The following DNAJC6 variants were observed in gnomAD, a reference collection of about 807,000 sequenced individuals.
DNAJC6 encodes the protein DnaJ heat shock protein family (Hsp40) member C6.
Under a neutral mutation model 110.0 loss-of-function variants are expected in DNAJC6, and 34 were observed. The observed-to-expected ratio is 0.31, with a 90% CI of 0.24 to 0.41. DNAJC6 has a LOEUF of 0.41. Ranked by LOEUF, DNAJC6 falls within the 10% of genes least tolerant of loss-of-function variation. The probability of loss-of-function intolerance (pLI) is 1.00; values close to 1 mark genes in which losing one functional copy is unlikely to be tolerated. For missense variants in DNAJC6, 1,031 were observed against 1,207.8 expected (o/e 0.85, Z 2.17); for synonymous variants, 406 against 437.2 (o/e 0.93, Z 0.89).
intron 1 of DNAJC6, among the ~76,000 whole-genome samples, chr1:65,276,718 TG>T (rs1451996656): frequency 6.6e-6 from 1 of 152,224 alleles, no homozygotes; most frequent in East Asian, 1.9e-4. Context: ...GCCTCTGCTC[TG>T]GGCAGCTGAG....
At chr1:65,323,636 C>T (rs564073364) in intron 1 of DNAJC6, among the ~76,000 whole-genome samples, 15 of 152,264 alleles carry the variant, frequency 9.9e-5, no homozygotes, top group African/African-American at 3.1e-4. Context: ...TACCCTGTCA[C>T]CCAGGCTGGA....
chr1:65,280,310 A>G (rs1557495567), intron 1 of DNAJC6, among the ~76,000 whole-genome samples: 1 of 152,136 alleles, frequency 6.6e-6, no homozygotes, highest in Non-Finnish European at 1.5e-5. Flanking sequence ...TAATGTACTG[A>G]GTTCAGATTA....
chr1:65,319,324 C>A (rs1425051633), intron 1 of DNAJC6, among the ~76,000 whole-genome samples: 4 of 152,180 alleles, frequency 2.6e-5, no homozygotes, highest in African/African-American at 9.7e-5. Flanking sequence ...TTAGGCTGTG[C>A]AGATGCCCAG....
At chr1:65,393,646 A>G (rs1645950420) in intron 12 of DNAJC6, among the ~76,000 whole-genome samples, 1 of 152,126 alleles carries the variant, frequency 6.6e-6, no homozygotes, top group Non-Finnish European at 1.5e-5. Context: ...ATTTTTTGAC[A>G]TTTATAAGAC....
chr1:65,266,042 G>A (rs1440341057), intron 1 of DNAJC6, among the ~76,000 whole-genome samples: 1 of 152,246 alleles, frequency 6.6e-6, no homozygotes, highest in Non-Finnish European at 1.5e-5. Flanking sequence ...GGGTGCGCAG[G>A]TGGGGGCTGG....
intron 2 of DNAJC6, 80 bp downstream of exon 2, chr1:65,364,865 C>T: frequency 1.3e-6 from 2 of 1,529,142 alleles, no homozygotes; most frequent in Non-Finnish European, 1.8e-6. Context: ...GCTTGTCTGG[C>T]TCAAAGAGTG....
At chr1:65,390,649 A>G (rs988783522) in intron 11 of DNAJC6, among the ~76,000 whole-genome samples, 1 of 152,200 alleles carries the variant, frequency 6.6e-6, no homozygotes, top group Non-Finnish European at 1.5e-5. Flanking sequence ...TGGCTATGGT[A>G]TGGTTTATCT....
intron 1 of DNAJC6, among the ~76,000 whole-genome samples, chr1:65,302,107 A>ATATATATT (rs761925509): frequency 1.9e-5 from 1 of 53,808 alleles, no homozygotes; most frequent in African/African-American, 2.5e-4. Flanking sequence ...TATAATATAT[A>ATATATATT]ATATATATAT....
chr1:65,384,382 CTG>C, intron 6 of DNAJC6, 56 bp downstream of exon 6: 2 of 1,387,776 alleles, frequency 1.4e-6, no homozygotes, highest in Non-Finnish European at 1.9e-6. Context: ...GTATCATGTA[CTG>C]TTTTAAATCT....
chr1:65,361,459 A>C (rs1645596910), intron 1 of DNAJC6, among the ~76,000 whole-genome samples: 1 of 152,216 alleles, frequency 6.6e-6, no homozygotes, highest in Non-Finnish European at 1.5e-5. Flanking sequence ...ATATGTATGA[A>C]CATCTAAGTG....
chr1:65,360,601 C>T (rs1274559682), intron 1 of DNAJC6, among the ~76,000 whole-genome samples: 1 of 152,130 alleles, frequency 6.6e-6, no homozygotes, highest in Non-Finnish European at 1.5e-5. Context: ...CTGCTCTATC[C>T]TCACTATATT....
At chr1:65,389,654 C>T (rs1434669545) in intron 11 of DNAJC6, 27 bp downstream of exon 11, 4 of 1,607,126 alleles carry the variant, frequency 2.5e-6, no homozygotes, top group Admixed American at 1.7e-5. Context: ...CTTTAAGTCA[C>T]ATGGTTTGAT....
chr1:65,298,409 C>T (rs1644946815), intron 1 of DNAJC6, among the ~76,000 whole-genome samples: 1 of 152,136 alleles, frequency 6.6e-6, no homozygotes, highest in African/African-American at 2.4e-5. Context: ...TTTCCTTTGA[C>T]AGTCTCCTGA....
At chr1:65,371,620 A>G (rs549127099) in intron 4 of DNAJC6, among the ~76,000 whole-genome samples, 1 of 152,202 alleles carries the variant, frequency 6.6e-6, no homozygotes, top group Non-Finnish European at 1.5e-5. Flanking sequence ...TGCTTAGTGA[A>G]TGGCTGCTTC....
intron 6 of DNAJC6, 68 bp from the exon 7 acceptor site, chr1:65,385,644 A>G (rs917876159): frequency 1.3e-5 from 18 of 1,334,884 alleles, no homozygotes; most frequent in Non-Finnish European, 1.8e-5. Context: ...GAATCTTCAT[A>G]GCAAATATTG....
intron 13 of DNAJC6, among the ~76,000 whole-genome samples, chr1:65,395,717 T>C (rs1368621095): frequency 6.6e-6 from 1 of 152,216 alleles, no homozygotes; most frequent in African/African-American, 2.4e-5. Flanking sequence ...ATAGTGTCTT[T>C]TTACTTTTTA....
At chr1:65,278,162 C>G (rs1653734660) in intron 1 of DNAJC6, among the ~76,000 whole-genome samples, 1 of 152,204 alleles carries the variant, frequency 6.6e-6, no homozygotes, top group Non-Finnish European at 1.5e-5. Flanking sequence ...TTAGTGCTGT[C>G]ATTCTCATGT....
At chr1:65,405,453 G>GT (rs1179416365) in intron 15 of DNAJC6, among the ~76,000 whole-genome samples, 4 of 151,944 alleles carry the variant, frequency 2.6e-5, no homozygotes, top group Non-Finnish European at 4.4e-5. Context: ...TCATTTGGTG[G>GT]TTTTTTTTAA....
Position 65,380,911 on chromosome 1 carries a change from G to GTTTTTTTTTT in DNAJC6, c.666+1391_666+1392insTTTTTTTTTT, listed in dbSNP as rs1312055301. ...GGGAGTTTTTTTTTTTTTGTTTTTT[G>GTTTTTTTTTT]TTTTGTTTTGTTTTTTTTTTTTTTT... On this transcript the variant is annotated intron_variant, in intron 5 of 18. Coordinates refer to ENST00000371069, the MANE Select transcript of DNAJC6 (RefSeq NM_001256864.2). 4.0e-4 allele frequency among the ~76,000 whole-genome samples: 46 copies of GTTTTTTTTTT among 114,886 alleles called. 3 individuals are homozygous for GTTTTTTTTTT. The highest frequency in any genetic ancestry group is 1.7e-3 in the African/African-American group (40 of 23,288). The allele number at this position is 114,886 out of a possible 152,430, so 75.4% of individuals were successfully genotyped here. A position where few individuals can be genotyped will look rare whatever the true frequency, so the allele number is the denominator to read the frequency against.
Sources: gnomAD v4.1 joint callset for allele counts (sites outside exome capture counted in the v4.1 genomes callset) on GRCh38, gnomAD v4.1.1 for gene constraint, MANE v1.5 for transcripts, NCBI Gene and HGNC (gene_info 2026-07-23, HGNC 2026-07-21) for gene names.